The following ANGPTL7 variants were observed in gnomAD, a reference collection of about 807,000 sequenced individuals.
The protein encoded by ANGPTL7 is angiopoietin-related protein 7.
A neutral mutation model predicts 38.8 loss-of-function variants in ANGPTL7; 37 were observed. The ratio of observed to expected loss-of-function variants is 0.95; its 90% CI spans 0.73 to 1.25. The LOEUF (loss-of-function observed/expected upper bound fraction) is 1.25. Ranked by LOEUF, ANGPTL7 falls within the 50% of genes most tolerant of loss-of-function variation. The probability of loss-of-function intolerance (pLI) is 0.00; values close to 1 mark genes in which losing one functional copy is unlikely to be tolerated. For missense variants in ANGPTL7, 427 were observed against 438.6 expected, an observed-to-expected ratio of 0.97 and a Z score of 0.24; for synonymous variants, 166 against 163.2, an observed-to-expected ratio of 1.02 and a Z score of -0.13.
At position 11,195,701 on chromosome 1, in the gene ANGPTL7, G is replaced by A. The variant is rs1379941163; in HGVS notation, c.*678G>A. ...GAAAGGAATGAAGCACCAGCAGGAG[G>A]TGGACAGAGTCTCTCATGGATGCCG... On this transcript the variant is annotated 3_prime_UTR_variant, in exon 5 of 5. Coordinates refer to ENST00000376819, the MANE Select transcript of ANGPTL7 (RefSeq NM_021146.4). The A allele has an allele frequency of 6.6e-6, 1 of 152,666 alleles. No homozygotes were observed. The highest frequency in any genetic ancestry group is 2.4e-5 in the African/African-American group (1 of 41,452). 9.5% of individuals were successfully genotyped at this position (152,666 alleles called of 1,614,324 possible).
At chr1:11,191,024 C>A (rs901019271) in intron 1 of ANGPTL7, among the ~76,000 whole-genome samples, 7 of 152,180 alleles carry the variant, frequency 4.6e-5, no homozygotes, top group African/African-American at 1.7e-4. Context: ...TATTCTCAGG[C>A]CATTTTCCAG....
chr1:11,189,806 G>C lies in ANGPTL7; in HGVS notation c.227G>C (p.Ser76Thr). 6.2e-7 allele frequency: 1 copy of C among 1,614,232 alleles called. No homozygotes were observed. The highest frequency in any genetic ancestry group is 8.5e-7 in the Non-Finnish European group (1 of 1,180,038). Residue 76 changes from serine to threonine, a missense_variant, in exon 1 of 5, where the codon AGC becomes ACC. Ser to Thr is a moderately conservative substitution (Grantham distance 58). Transcript: ENST00000376819. ...AAGAAGCAGGAGAGGGACTGGGTCA[G>C]CGTGGTCATGCAGGTGATGGAGCTG... ...LNKKQERDWV[S>T]VVMQVMELES...
At position 11,189,394 on chromosome 1, in the gene ANGPTL7, CCT is replaced by C. The variant is rs1645431948; in HGVS notation, c.-185_-184del. ...AGCTATAGGCTACCCATTCAGCTCC[CCT>C]GTCAGAGACTCAAGCTTTGAGAAAG... On this transcript the variant is annotated 5_prime_UTR_variant, in exon 1 of 5. Coordinates refer to ENST00000376819, the MANE Select transcript of ANGPTL7 (RefSeq NM_021146.4). 1 of 720,532 alleles carries C rather than the reference CCT, an allele frequency of 1.4e-6. No individual in the cohort carries two copies. Among genetic ancestry groups the C allele is most frequent in the South Asian group, 1.9e-5 (1 of 53,630 alleles). 44.6% of individuals were successfully genotyped at this position (720,532 alleles called of 1,614,324 possible).
Position 11,194,463 on chromosome 1 carries a change from CTGGG to C in ANGPTL7, c.676_679del (p.Trp226ArgfsTer111). 1.2e-6 allele frequency: 2 copies of C among 1,613,882 alleles called. No homozygotes were observed. The highest frequency in any genetic ancestry group is 1.7e-6 in the Non-Finnish European group (2 of 1,180,004). Reference sequence around the variant, plus strand: ...TAAGGCTCTGCTCCTCCTGACAGGACTGGGAGGGCAACCTGCGCTACGCTGAGTA... The same window carrying C: ...TAAGGCTCTGCTCCTCCTGACAGGACAGGGCAACCTGCGCTACGCTGAGTA... On this transcript the variant is annotated frameshift_variant, in exon 4 of 5. Coordinates refer to ENST00000376819, the MANE Select transcript of ANGPTL7 (RefSeq NM_021146.4). LOFTEE classifies it high-confidence loss of function.
At chr1:11,192,881 A>AAATCATT (rs1645602354) in intron 2 of ANGPTL7, among the ~76,000 whole-genome samples, 1 of 152,132 alleles carries the variant, frequency 6.6e-6, no homozygotes, top group African/African-American at 2.4e-5. Context: ...AATCATTATC[A>AAATCATT]GTCAAACAAC....
rs1405183059 is a variant in ANGPTL7 at position 11,189,459 on chromosome 1, T to A, written c.-121T>A. On this transcript the variant is annotated 5_prime_UTR_variant, in exon 1 of 5. Transcript: ENST00000376819. ...CAAGGAAAGAGAGAAAACAACAAAG[T>A]GGCGAGGCCCTCAGAGTGAAAGCGT... The A allele has an allele frequency of 3.6e-5, 43 of 1,189,844 alleles. No individual in the cohort carries two copies. Among genetic ancestry groups the A allele is most frequent in the Non-Finnish European group, 5.0e-5 (43 of 852,206 alleles). 73.7% of individuals were successfully genotyped at this position (1,189,844 alleles called of 1,614,324 possible).
intron 3 of ANGPTL7, 105 bp downstream of exon 3, chr1:11,193,879 T>C (rs1011095749): frequency 6.0e-6 from 7 of 1,160,032 alleles, no homozygotes; most frequent in Non-Finnish European, 8.5e-6. Context: ...CAAATCTGTA[T>C]ATTCATTGTG....
chr1:11,192,005 A>G (rs900062726), intron 1 of ANGPTL7, among the ~76,000 whole-genome samples: 1 of 152,182 alleles, frequency 6.6e-6, no homozygotes, highest in Non-Finnish European at 1.5e-5. Context: ...AATTTATTTC[A>G]GAGTTAACCT....
At chr1:11,194,318 G>C in intron 3 of ANGPTL7, 143 bp from the exon 4 acceptor site, 1 of 782,000 alleles carries the variant, frequency 1.3e-6, no homozygotes, top group East Asian at 2.5e-5. Flanking sequence ...CAGTAAACTG[G>C]AGGTAAACAA....
rs1424362803 is a variant in ANGPTL7 at position 11,189,610 on chromosome 1, T to A, written c.31T>A (p.Trp11Arg). ...GAAAAAGCCTCTCTCAGCTGTGACC[T>A]GGCTCTGCATTTTCATCGTGGCCTT... is the stretch of plus-strand genomic sequence containing the variant. MLKKPLSAVTWLCIFIVAFVS... is the reference protein window; with the variant it reads MLKKPLSAVTRLCIFIVAFVS... The change falls in exon 1 of 5, where the codon TGG becomes AGG. Residue 11 changes from tryptophan (W) to arginine (R), a missense_variant. Transcript: ENST00000376819. The A allele has an allele frequency of 6.2e-7, 1 of 1,613,338 alleles. No homozygotes were observed. Among genetic ancestry groups the A allele is most frequent in the African/African-American group, 1.3e-5 (1 of 75,008 alleles).
Position 11,194,880 on chromosome 1 carries a change from G to A in ANGPTL7, c.898G>A (p.Asp300Asn), listed in dbSNP as rs1557829871. ...KGGYWYNCCT[D>N]SNLNGVYYRL... The stretch of plus-strand genomic sequence containing the variant: ...TGGCTACTGGTACAACTGCTGCACA[G>A]ACTCCAACCTCAATGGAGTGTACTA... Residue 300 changes from aspartate to asparagine, a missense_variant, in exon 5 of 5, where the codon GAC becomes AAC. By Grantham distance (23) the Asp-to-Asn change is conservative. Transcript: ENST00000376819. 6.2e-7 allele frequency: 1 copy of A among 1,614,152 alleles called. No homozygotes were observed. The highest frequency in any genetic ancestry group is 8.5e-7 in the Non-Finnish European group (1 of 1,180,020).
Position 11,192,307 on chromosome 1 carries a change from C to A in ANGPTL7, c.414C>A (p.Asn138Lys), listed in dbSNP as rs746929883. The change falls in exon 2 of 5, where the codon AAC (asparagine) becomes AAA (lysine). Residue 138 changes from asparagine to lysine, a missense_variant. By Grantham distance (94) the Asn-to-Lys change is moderately conservative. Transcript: ENST00000376819. ...IYDCSSLYQK[N>K]YRISGVYKLP... ...ACTGCTCTTCCCTCTACCAGAAGAA[C>A]TACCGCATCTCTGGAGTGTATAAGC... is the stretch of plus-strand genomic sequence containing the variant. 1 of 1,614,094 alleles carries A rather than the reference C, an allele frequency of 6.2e-7. No homozygotes were observed. The highest frequency in any genetic ancestry group is 1.3e-5 in the African/African-American group (1 of 75,056).
rs28991010 is a variant in ANGPTL7, at chr1:11,193,821, C to T, written c.672+47C>T. 542 of 1,587,410 alleles carry T rather than the reference C, an allele frequency of 3.4e-4. 2 individuals are homozygous for T. In the African/African-American group the frequency reaches 6.6e-3, roughly 19 times the overall value. On this transcript the variant is annotated intron_variant, in intron 3 of 4. Coordinates refer to ENST00000376819, the MANE Select transcript of ANGPTL7 (RefSeq NM_021146.4). The stretch of plus-strand genomic sequence containing the variant: ...CCATGACTGGACCAGTGCCACCACA[C>T]ATGACCGCGTACAACTCCGGGGGTG...
At chr1:11,193,375 T>C (rs1000689007) in intron 2 of ANGPTL7, among the ~76,000 whole-genome samples, 1 of 151,058 alleles carries the variant, frequency 6.6e-6, no homozygotes. Flanking sequence ...CCGGGCCCAA[T>C]TTGCATCGTT....
chr1:11,192,348 T>C lies in ANGPTL7; in HGVS notation c.455T>C (p.Phe152Ser), dbSNP rs1645573954. The change falls in exon 2 of 5, where the codon TTC becomes TCC. Residue 152 changes from phenylalanine (F) to serine (S), a missense_variant. Phe to Ser is a radical substitution (Grantham distance 155). Coordinates refer to ENST00000376819, the MANE Select transcript of ANGPTL7 (RefSeq NM_021146.4). The part of the protein sequence containing the change: ...SGVYKLPPDD[F>S]LGSPELEVFC... Reference sequence around the variant, plus strand: ...GTGTATAAGCTTCCTCCTGATGACTTCCTGGGCAGCCCTGAACTGGAGGTG... The same window carrying C: ...GTGTATAAGCTTCCTCCTGATGACTCCCTGGGCAGCCCTGAACTGGAGGTG... The C allele has an allele frequency of 4.3e-6, 7 of 1,613,872 alleles. No individual in the cohort carries two copies. The highest frequency in any genetic ancestry group is 5.9e-6 in the Non-Finnish European group (7 of 1,179,828).
In ANGPTL7 at chr1:11,195,892, C is replaced by T. The variant is rs947381191; in HGVS notation, c.*869C>T. 2.6e-5 allele frequency: 4 copies of T among 152,224 alleles called. No homozygotes were observed. The highest frequency in any genetic ancestry group is 9.7e-5 in the African/African-American group (4 of 41,450). The allele number at this position is 152,224 out of a possible 1,614,324, so 9.4% of individuals were successfully genotyped here. Reference sequence around the variant, plus strand: ...GTTAATAATAAATGCTGTAAATAAGCATCTCACTTTGTAAAAATAAAATAT... The same window carrying T: ...GTTAATAATAAATGCTGTAAATAAGTATCTCACTTTGTAAAAATAAAATAT... On this transcript the variant is annotated 3_prime_UTR_variant, in exon 5 of 5. Transcript: ENST00000376819.
At chr1:11,191,603 T>C (rs1477078443) in intron 1 of ANGPTL7, among the ~76,000 whole-genome samples, 3 of 152,220 alleles carry the variant, frequency 2.0e-5, no homozygotes, top group Non-Finnish European at 4.4e-5. Context: ...GCTTAAATCC[T>C]GCATAAAGTA....
intron 2 of ANGPTL7, 124 bp from the exon 3 acceptor site, chr1:11,193,456 T>C: frequency 3.7e-6 from 3 of 819,074 alleles, no homozygotes; most frequent in Non-Finnish European, 5.6e-6. Context: ...AGTGAGCCAG[T>C]GTGACTGCGG....
At chr1:11,194,749 G>C (rs1261589508) in intron 4 of ANGPTL7, 90 bp downstream of exon 4, 2 of 1,598,734 alleles carry the variant, frequency 1.3e-6, no homozygotes, top group Non-Finnish European at 1.7e-6. Flanking sequence ...CTGTACAGTT[G>C]ATATTCCGGT....
Sources: allele counts gnomAD v4.1 joint callset (sites outside exome capture counted in the v4.1 genomes callset), GRCh38; gene constraint gnomAD v4.1.1; transcripts MANE v1.5; gene names NCBI Gene and HGNC (gene_info 2026-07-23, HGNC 2026-07-21).